LARS1: variants seen among roughly 807,000 people sequenced by gnomAD.
LARS1 encodes leucyl-tRNA synthetase 1, also known as leucine--tRNA ligase, cytoplasmic.
LARS1 carries 100 observed loss-of-function variants against 162.8 expected under a neutral mutation model. That is an observed-to-expected ratio of 0.61 (90% CI 0.52 to 0.73). LARS1 has a LOEUF of 0.73. Ranked by LOEUF, LARS1 falls within the 30% of genes least tolerant of loss-of-function variation. LARS1 has a pLI of 0.00. For missense variants in LARS1, 1,258 were observed against 1,408.9 expected (o/e 0.89, Z 1.71); for synonymous variants, 457 against 462.8 (o/e 0.99, Z 0.16).
At chr5:146,174,972 C>T (rs1754488205) in intron 2 of LARS1, among the ~76,000 whole-genome samples, 1 of 152,152 alleles carries the variant, frequency 6.6e-6, no homozygotes, top group Non-Finnish European at 1.5e-5. Flanking sequence ...ATAATCCCGG[C>T]ACTTTGGGAG....
At chr5:146,153,706 A>G (rs777806748) in intron 12 of LARS1, 28 bp downstream of exon 12, 14 of 1,584,690 alleles carry the variant, frequency 8.8e-6, no homozygotes, top group Middle Eastern at 3.3e-4. Context: ...GTGAGGACGA[A>G]ATACAAACAT....
In LARS1 at chr5:146,159,265, C is replaced by T. The variant is rs72822274; in HGVS notation, c.771+142G>A. 35,260 of 589,062 alleles carry T rather than the reference C, an allele frequency of 0.06. 1,262 individuals carry two copies. The highest frequency in any genetic ancestry group is 0.068 in the Middle Eastern group (145 of 2,140). The allele number at this position is 589,062 out of a possible 1,614,324, so 36.5% of individuals were successfully genotyped here. A position where few individuals can be genotyped will look rare whatever the true frequency, so the allele number is the denominator to read the frequency against. On this transcript the variant is annotated intron_variant, in intron 8 of 31. Coordinates refer to ENST00000394434, the MANE Select transcript of LARS1 (RefSeq NM_020117.11). The stretch of plus-strand genomic sequence containing the variant: ...AGATACAGGTACCTGTATTGATATT[C>T]TATCTCCTCTTCATATCCACCAGAG...
chr5:146,176,014 T>A (rs1474291979), intron 2 of LARS1, among the ~76,000 whole-genome samples: 1 of 151,800 alleles, frequency 6.6e-6, no homozygotes, highest in Non-Finnish European at 1.5e-5. Context: ...TAGCCAGGCA[T>A]GGTGGCGCAT....
chr5:146,132,916 T>A lies in LARS1; in HGVS notation c.2378A>T (p.Asn793Ile). The A allele has an allele frequency of 1.2e-6, 2 of 1,613,744 alleles. No homozygotes were observed. Among genetic ancestry groups the A allele is most frequent in the South Asian group, 2.2e-5 (2 of 91,032 alleles). The change falls in exon 23 of 32, where the codon AAT (asparagine) becomes ATT (isoleucine). Residue 793 changes from asparagine (N) to isoleucine (I), a missense_variant. Asn to Ile is a moderately radical substitution (Grantham distance 149, BLOSUM62 -3). Transcript: ENST00000394434. ...AGATTACCTGGCAAAAACTCTATCA[T>A]TGAAAGTGCTGGCAGGACCACTTCT... ...SLRSGPASTFNDRVFASELNA... is the reference protein window; with the variant it reads ...SLRSGPASTFIDRVFASELNA...
intron 1 of LARS1, among the ~76,000 whole-genome samples, chr5:146,177,940 A>T (rs1561501846): frequency 6.6e-6 from 1 of 152,026 alleles, no homozygotes; most frequent in Non-Finnish European, 1.5e-5. Flanking sequence ...CTCTACTAAA[A>T]TACAAAAATT....
chr5:146,178,635 C>A (rs1754702187), intron 1 of LARS1, among the ~76,000 whole-genome samples: 1 of 150,602 alleles, frequency 6.6e-6, no homozygotes, highest in Non-Finnish European at 1.5e-5. Context: ...AAAAAAAATA[C>A]CTGGACTCTT....
chr5:146,164,279 T>A, intron 6 of LARS1, 31 bp downstream of exon 6: 2 of 1,489,234 alleles, frequency 1.3e-6, no homozygotes, highest in Middle Eastern at 1.8e-4. Context: ...TACTTGTAAA[T>A]GCTTTCCTCA....
chr5:146,171,239 C>A (rs1049118466), intron 4 of LARS1, among the ~76,000 whole-genome samples: 3 of 151,906 alleles, frequency 2.0e-5, no homozygotes, highest in African/African-American at 4.8e-5. Flanking sequence ...TGCCTGTAAT[C>A]CCAGCTACTC....
intron 21 of LARS1, chr5:146,138,871 A>C (rs1394298476): frequency 3.7e-6 from 1 of 268,024 alleles, no homozygotes; most frequent in East Asian, 9.9e-5. Context: ...CAAACCAAAC[A>C]AAACCAGAGT....
chr5:146,144,529 T>A lies in LARS1; in HGVS notation c.1598A>T (p.Asp533Val). 1 of 1,613,944 alleles carries A rather than the reference T, an allele frequency of 6.2e-7. No homozygotes were observed. The highest frequency in any genetic ancestry group is 8.5e-7 in the Non-Finnish European group (1 of 1,179,948). The change falls in exon 17 of 32, where the codon GAT becomes GTT. Residue 533 changes from aspartate to valine, a missense_variant. Physicochemically the swap from Asp to Val is radical, Grantham distance 152. Transcript: ENST00000394434. The stretch of plus-strand genomic sequence containing the variant: ...TTTCTTCCAATTCTCTTCTCCATAA[T>A]CCAAGTACCTGGGAGTGGACAAATT... ...VVALCDQWYL[D>V]YGEENWKKQT...
intron 21 of LARS1, chr5:146,139,036 T>C: frequency 4.3e-6 from 1 of 230,762 alleles, no homozygotes; most frequent in Non-Finnish European, 7.9e-6. Context: ...AAAAGTGGAT[T>C]TGTGAAAAAA....
At chr5:146,156,912 G>T (rs1023099090) in intron 10 of LARS1, among the ~76,000 whole-genome samples, 1 of 151,946 alleles carries the variant, frequency 6.6e-6, no homozygotes, top group African/African-American at 2.4e-5. Context: ...TTTTCAACCA[G>T]ATATTTACCG....
chr5:146,181,171 G>GTGAA (rs1246858824), intron 1 of LARS1: 1 of 152,070 alleles, frequency 6.6e-6, no homozygotes, highest in Non-Finnish European at 1.5e-5. Flanking sequence ...GGCCAATGTG[G>GTGAA]TGAAACCCTG....
rs1233454990 is a variant in LARS1, at chr5:146,182,427, C to A, written c.6+61G>T. The A allele has an allele frequency of 3.7e-6, 6 of 1,604,980 alleles. No homozygotes were observed. The East Asian group carries it at 8.9e-5, about 24-fold the overall frequency. ...TCCCTTCAGGACAGCACATGGAGAG[C>A]CCCTAGAGACTGGCCAGTCCGGCTC... On this transcript the variant is annotated intron_variant, in intron 1 of 31. Coordinates refer to ENST00000394434, the MANE Select transcript of LARS1 (RefSeq NM_020117.11).
intron 21 of LARS1, among the ~76,000 whole-genome samples, chr5:146,139,945 C>G (rs931432313): frequency 9.4e-5 from 14 of 148,426 alleles, no homozygotes; most frequent in African/African-American, 3.5e-4. Context: ...GTTTTTAACT[C>G]TGATTAATTC....
intron 22 of LARS1, among the ~76,000 whole-genome samples, chr5:146,133,557 TA>T (rs1752383269): frequency 6.6e-6 from 1 of 152,110 alleles, no homozygotes; most frequent in Non-Finnish European, 1.5e-5. Flanking sequence ...AGTTTATCAC[TA>T]ATAAAACTTT....
Position 146,168,176 on chromosome 5 carries a change from A to G in LARS1, c.384T>C (p.Ser128=). 1.9e-6 allele frequency: 3 copies of G among 1,611,544 alleles called. No homozygotes were observed. The highest frequency in any genetic ancestry group is 2.5e-6 in the Non-Finnish European group (3 of 1,177,728). ...PDEEEEEEET[S]VKTEDIIIKD... ...TAATTATTATATCTTCTGTTTTAACACTGGTTTCTTCCTCTTCCTCTTCTT... is the reference window on the plus strand; with the variant it reads ...TAATTATTATATCTTCTGTTTTAACGCTGGTTTCTTCCTCTTCCTCTTCTT... Residue 128 remains serine (S), a synonymous_variant, in exon 5 of 32, where the codon AGT becomes AGC. Coordinates refer to ENST00000394434, the MANE Select transcript of LARS1 (RefSeq NM_020117.11).
At chr5:146,175,459 T>C (rs868243466) in intron 2 of LARS1, among the ~76,000 whole-genome samples, 4 of 149,650 alleles carry the variant, frequency 2.7e-5, no homozygotes, top group South Asian at 2.1e-4. Context: ...AGAAAAATCA[T>C]TGAACCCGGG....
chr5:146,146,745 G>A (rs190987340), intron 15 of LARS1, among the ~76,000 whole-genome samples: 3 of 150,540 alleles, frequency 2.0e-5, no homozygotes, highest in African/African-American at 4.9e-5. Context: ...GTGAGACAGC[G>A]CTCTGTCGCC....
Sources: allele counts gnomAD v4.1 joint callset (sites outside exome capture counted in the v4.1 genomes callset), GRCh38; gene constraint gnomAD v4.1.1; transcripts MANE v1.5; gene names NCBI Gene and HGNC (gene_info 2026-07-23, HGNC 2026-07-21).